The following SLC2A14 variants were observed in gnomAD, a reference collection of about 807,000 sequenced individuals.
The protein encoded by SLC2A14 is solute carrier family 2, facilitated glucose transporter member 14.
In SLC2A14, 13 loss-of-function variants were observed where a neutral mutation model predicts 43.0. The ratio of observed to expected loss-of-function variants is 0.30; its 90% CI spans 0.20 to 0.48. The LOEUF (loss-of-function observed/expected upper bound fraction) is 0.48. Ranked by LOEUF, SLC2A14 falls within the 20% of genes least tolerant of loss-of-function variation. The probability of loss-of-function intolerance (pLI) is 0.99; values close to 1 mark genes in which losing one functional copy is unlikely to be tolerated. For synonymous variants in SLC2A14, 190 were observed against 233.8 expected, an observed-to-expected ratio of 0.81 and a Z score of 1.71; for missense variants, 428 against 620.4, an observed-to-expected ratio of 0.69 and a Z score of 3.29.
At chr12:7,824,291 G>A (rs1864165679) in intron 7 of SLC2A14, among the ~76,000 whole-genome samples, 1 of 152,110 alleles carries the variant, frequency 6.6e-6, no homozygotes, top group Admixed American at 6.6e-5. Flanking sequence ...CATATTATAT[G>A]ATGACGTCAA....
intron 2 of SLC2A14, among the ~76,000 whole-genome samples, chr12:7,856,628 T>C (rs1047804853): frequency 6.6e-6 from 1 of 152,166 alleles, no homozygotes; most frequent in East Asian, 1.9e-4. Flanking sequence ...AGAGCACTAT[T>C]GACGGCATCG....
At chr12:7,863,963 G>A (rs1944764701) in intron 2 of SLC2A14, among the ~76,000 whole-genome samples, 1 of 151,814 alleles carries the variant, frequency 6.6e-6, no homozygotes, top group Non-Finnish European at 1.5e-5. Flanking sequence ...CTACAGGCAT[G>A]TGCCACCATG....
In SLC2A14 at chr12:7,884,804, T is replaced by C. The variant is rs766176265; in HGVS notation, c.132+6192A>G. The stretch of plus-strand genomic sequence containing the variant: ...AAACTTTGGAAGGCATTCTTAGATG[T>C]TTCTCCTCTCCCTGCGGGCTAGACT... On this transcript the variant is annotated intron_variant, in intron 1 of 9. Transcript: ENST00000539924. 3.3e-5 allele frequency among the ~76,000 whole-genome samples: 5 copies of C among 152,266 alleles called. No individual in the cohort carries two copies. The South Asian group carries it at 1.0e-3, about 32-fold the overall frequency.
At chr12:7,857,134 C>T (rs1323822912) in intron 2 of SLC2A14, among the ~76,000 whole-genome samples, 2 of 152,004 alleles carry the variant, frequency 1.3e-5, no homozygotes, top group Non-Finnish European at 2.9e-5. Flanking sequence ...CCTGTAGTTC[C>T]AGCTACTCGG....
At chr12:7,876,851 G>A (rs770633479), upstream of SLC2A14, among the ~76,000 whole-genome samples, 6 of 152,080 alleles carry the variant, frequency 3.9e-5, no homozygotes, top group Admixed American at 1.3e-4. Flanking sequence ...AGCTACTCAG[G>A]AGGCTAATAT....
intron 7 of SLC2A14, among the ~76,000 whole-genome samples, chr12:7,825,160 C>T (rs1427198607): frequency 6.6e-6 from 1 of 151,552 alleles, no homozygotes; most frequent in Non-Finnish European, 1.5e-5. Flanking sequence ...CACTTTAGTC[C>T]AACAATAATT....
At chr12:7,877,521 G>A (rs953851686), upstream of SLC2A14, among the ~76,000 whole-genome samples, 3 of 151,962 alleles carry the variant, frequency 2.0e-5, no homozygotes, top group Non-Finnish European at 2.9e-5. Flanking sequence ...CACCTCCCAA[G>A]TTCAAGAGAT....
At chr12:7,820,915 C>G (rs936743977) in intron 8 of SLC2A14, among the ~76,000 whole-genome samples, 1 of 151,428 alleles carries the variant, frequency 6.6e-6, no homozygotes, top group Non-Finnish European at 1.5e-5. Context: ...GGCGAAACCC[C>G]GTCTCTACTA....
intron 2 of SLC2A14, among the ~76,000 whole-genome samples, chr12:7,843,966 T>C (rs1052266732): frequency 2.9e-5 from 4 of 139,096 alleles, no homozygotes; most frequent in Non-Finnish European, 6.4e-5. Context: ...TTGTTGTCTT[T>C]TCTTTTATTT....
At chr12:7,882,685 A>C (rs1945607908) in intron 1 of SLC2A14, among the ~76,000 whole-genome samples, 1 of 151,926 alleles carries the variant, frequency 6.6e-6, no homozygotes, top group African/African-American at 2.4e-5. Flanking sequence ...AAAAATACGA[A>C]AGTTAGTCCA....
intron 2 of SLC2A14, among the ~76,000 whole-genome samples, chr12:7,838,956 G>A (rs967083440): frequency 5.3e-5 from 8 of 151,448 alleles, no homozygotes; most frequent in African/African-American, 1.9e-4. Context: ...ATAGAGAAAA[G>A]GCCATGTGAA....
At chr12:7,865,304 A>C (rs1394109657) in intron 2 of SLC2A14, among the ~76,000 whole-genome samples, 1 of 152,052 alleles carries the variant, frequency 6.6e-6, no homozygotes, top group Non-Finnish European at 1.5e-5. Context: ...TTGGGAGGCC[A>C]AGGTGGGCGG....
rs1464227381 is a variant in SLC2A14 at position 7,828,875 on chromosome 12, C to G, written c.514-9G>C. ...AGTTCCAGACCAAAGATCTAGAAAC[C>G]ACACAAAGATAATGCTATAAACCCC... On this transcript the variant is annotated splice_polypyrimidine_tract_variant and intron_variant, in intron 5 of 10. Coordinates refer to ENST00000431042, the MANE Select transcript of SLC2A14 (RefSeq NM_001286234.2). 1 of 1,612,626 alleles carries G rather than the reference C, an allele frequency of 6.2e-7. No homozygotes were observed. The highest frequency in any genetic ancestry group is 1.3e-5 in the African/African-American group (1 of 74,940).
chr12:7,865,860 C>CT (rs1944876868), intron 2 of SLC2A14, among the ~76,000 whole-genome samples: 1 of 152,100 alleles, frequency 6.6e-6, no homozygotes, highest in Non-Finnish European at 1.5e-5. Context: ...GTTAGCCAAG[C>CT]TATAAATACC....
At chr12:7,836,739 G>C (rs1865494294) in intron 2 of SLC2A14, among the ~76,000 whole-genome samples, 1 of 152,076 alleles carries the variant, frequency 6.6e-6, no homozygotes, top group Non-Finnish European at 1.5e-5. Flanking sequence ...GGGAGCCTGA[G>C]GCACCAGAAT....
At position 7,812,742 on chromosome 12, in the gene SLC2A14, G is replaced by A. The variant is rs1471813720; in HGVS notation, c.*1574C>T. On this transcript the variant is annotated 3_prime_UTR_variant, in exon 11 of 11. Coordinates refer to ENST00000431042, the MANE Select transcript of SLC2A14 (RefSeq NM_001286234.2). Reference sequence around the variant, plus strand: ...TTTATTCAAAGGCTCCAGGAGCAGAGGGAACAGTGAGAACTGAGAACCAAA... The same window carrying A: ...TTTATTCAAAGGCTCCAGGAGCAGAAGGAACAGTGAGAACTGAGAACCAAA... 6.6e-6 allele frequency: 1 copy of A among 152,100 alleles called. No individual in the cohort carries two copies. The highest frequency in any genetic ancestry group is 1.5e-5 in the Non-Finnish European group (1 of 68,022). 9.4% of individuals were successfully genotyped at this position (152,100 alleles called of 1,614,324 possible).
chr12:7,840,487 C>G (rs1865860592), intron 2 of SLC2A14, among the ~76,000 whole-genome samples: 2 of 152,056 alleles, frequency 1.3e-5, no homozygotes, highest in African/African-American at 4.8e-5. Context: ...TCAAGCGATT[C>G]TCCTGCCTCA....
intron 1 of SLC2A14, among the ~76,000 whole-genome samples, chr12:7,882,549 G>C (rs989576518): frequency 2.0e-5 from 3 of 152,008 alleles, no homozygotes; most frequent in Admixed American, 6.6e-5. Flanking sequence ...TTTATTTGAG[G>C]CTAGCGTCGG....
intron 3 of SLC2A14, among the ~76,000 whole-genome samples, chr12:7,832,186 G>A (rs757256965): frequency 1.3e-5 from 2 of 152,206 alleles, no homozygotes; most frequent in Non-Finnish European, 1.5e-5. Context: ...GACGGGAATT[G>A]AAGAGGCAGA....
Sources: gnomAD v4.1 joint callset for allele counts (sites outside exome capture counted in the v4.1 genomes callset) on GRCh38, gnomAD v4.1.1 for gene constraint, MANE v1.5 for transcripts, NCBI Gene and HGNC (gene_info 2026-07-23, HGNC 2026-07-21) for gene names.